The following SLC9C1 variants were observed in gnomAD, a reference collection of about 807,000 sequenced individuals.
SLC9C1 encodes the protein sodium/hydrogen exchanger 10.
SLC9C1 carries 97 observed loss-of-function variants against 140.9 expected under a neutral mutation model. The ratio of observed to expected loss-of-function variants is 0.69; its 90% confidence interval spans 0.58 to 0.82. The LOEUF is 0.82. Among genes scored for constraint, SLC9C1 ranks in the 40% least tolerant of loss-of-function variants. SLC9C1 has a pLI of 0.00. For synonymous variants in SLC9C1, 440 were observed against 442.6 expected, an observed-to-expected ratio of 0.99 and a Z score of 0.07; for missense variants, 1,340 against 1,389.3, an observed-to-expected ratio of 0.96 and a Z score of 0.56.
At chr3:112,255,986 T>C (rs1007432985) in intron 10 of SLC9C1, among the ~76,000 whole-genome samples, 1 of 152,020 alleles carries the variant, frequency 6.6e-6, no homozygotes, top group Non-Finnish European at 1.5e-5. Flanking sequence ...CTAGAAGAGA[T>C]GGATAAGTTC....
chr3:112,263,640 A>T (rs1337734691), intron 9 of SLC9C1, among the ~76,000 whole-genome samples: 1 of 151,808 alleles, frequency 6.6e-6, no homozygotes, highest in African/African-American at 2.4e-5. Context: ...AACTAGATGG[A>T]AGTAGAATGT....
intron 12 of SLC9C1, among the ~76,000 whole-genome samples, chr3:112,236,782 A>T (rs1353738611): frequency 6.6e-6 from 1 of 152,152 alleles, no homozygotes; most frequent in Non-Finnish European, 1.5e-5. Flanking sequence ...AGCGATTTTG[A>T]GTGAGTTTCT....
At chr3:112,188,388 C>G (rs1442331440) in intron 20 of SLC9C1, among the ~76,000 whole-genome samples, 4 of 137,770 alleles carry the variant, frequency 2.9e-5, no homozygotes, top group Non-Finnish European at 6.3e-5. Flanking sequence ...CTCCCCCCTC[C>G]CCTCACCCCA....
intron 20 of SLC9C1, among the ~76,000 whole-genome samples, chr3:112,198,817 C>CT (rs572176851): frequency 2.0e-5 from 3 of 150,450 alleles, no homozygotes; most frequent in South Asian, 2.1e-4. Flanking sequence ...CAGGTTTATG[C>CT]TTTTTTTTTC....
chr3:112,166,717 C>G (rs1020646740), intron 26 of SLC9C1, among the ~76,000 whole-genome samples: 1 of 151,632 alleles, frequency 6.6e-6, no homozygotes, highest in African/African-American at 2.4e-5. Flanking sequence ...TAATATTTAT[C>G]TCAAAATTCA....
intron 9 of SLC9C1, 62 bp from the exon 10 acceptor site, chr3:112,263,160 C>G: frequency 7.3e-7 from 1 of 1,378,392 alleles, no homozygotes; most frequent in Non-Finnish European, 9.8e-7. Flanking sequence ...CCATTTCATG[C>G]TACTCTATTC....
intron 10 of SLC9C1, among the ~76,000 whole-genome samples, chr3:112,253,877 C>A (rs2079533246): frequency 6.6e-6 from 1 of 152,092 alleles, no homozygotes; most frequent in Admixed American, 6.5e-5. Context: ...AGCTAAGAAT[C>A]ACAATAAAAT....
chr3:112,185,348 A>G, intron 20 of SLC9C1: 1 of 659,130 alleles, frequency 1.5e-6, no homozygotes, highest in Non-Finnish European at 2.5e-6. Flanking sequence ...GTAAAAAAAA[A>G]ATAATAAAAG....
chr3:112,272,950 C>A (rs780450818), intron 6 of SLC9C1, among the ~76,000 whole-genome samples: 1 of 152,022 alleles, frequency 6.6e-6, no homozygotes, highest in Non-Finnish European at 1.5e-5. Context: ...CTTCTCCCAA[C>A]GAGTACCAAA....
intron 23 of SLC9C1, among the ~76,000 whole-genome samples, chr3:112,177,647 A>G (rs528439883): frequency 6.7e-6 from 1 of 149,914 alleles, no homozygotes; most frequent in Admixed American, 6.7e-5. Flanking sequence ...TTTGGGTAAC[A>G]TAAGTTTACC....
At chr3:112,231,233 A>G in intron 13 of SLC9C1, 128 bp downstream of exon 13, 1 of 1,033,516 alleles carries the variant, frequency 9.7e-7, no homozygotes, top group South Asian at 1.7e-5. Context: ...TCCTAAGACA[A>G]TGTCAAACTT....
chr3:112,238,236 C>T (rs2079045083), intron 12 of SLC9C1, among the ~76,000 whole-genome samples: 2 of 152,168 alleles, frequency 1.3e-5, no homozygotes, highest in African/African-American at 4.8e-5. Context: ...CCCTTTCTTC[C>T]AGTTGATTGA....
intron 21 of SLC9C1, among the ~76,000 whole-genome samples, chr3:112,181,830 T>C (rs2107959940): frequency 6.7e-6 from 1 of 148,858 alleles, no homozygotes; most frequent in East Asian, 1.9e-4. Flanking sequence ...GAAAAGTAAA[T>C]AGCACCCACA....
At chr3:112,150,841 T>TATATATATATA (rs1491261631) in intron 28 of SLC9C1, among the ~76,000 whole-genome samples, 6 of 34,554 alleles carry the variant, frequency 1.7e-4, no homozygotes, top group African/African-American at 1.1e-3. Flanking sequence ...TATATATATA[T>TATATATATATA]TTTTTTTTTT....
chr3:112,191,972 T>G (rs1203428773), intron 20 of SLC9C1, among the ~76,000 whole-genome samples: 1 of 152,086 alleles, frequency 6.6e-6, no homozygotes, highest in Non-Finnish European at 1.5e-5. Context: ...AATTTTTTTA[T>G]TCTATTCTAA....
At chr3:112,251,552 T>G (rs1576449460) in intron 10 of SLC9C1, among the ~76,000 whole-genome samples, 1 of 151,960 alleles carries the variant, frequency 6.6e-6, no homozygotes, top group African/African-American at 2.4e-5. Flanking sequence ...GGAAAGGAGG[T>G]GATCCAGGAG....
chr3:112,213,271 A>G (rs923771773), intron 15 of SLC9C1, among the ~76,000 whole-genome samples: 3 of 152,216 alleles, frequency 2.0e-5, no homozygotes, highest in African/African-American at 7.2e-5. Flanking sequence ...TGTAAAGACC[A>G]TCTATGCTAG....
chr3:112,188,299 A>G (rs2077578380), intron 20 of SLC9C1, among the ~76,000 whole-genome samples: 1 of 152,096 alleles, frequency 6.6e-6, no homozygotes, highest in Admixed American at 6.6e-5. Flanking sequence ...GGTTTGTTAC[A>G]TAGGTATACT....
chr3:112,152,579 A>T (rs6791042), intron 27 of SLC9C1, among the ~76,000 whole-genome samples: 45,312 of 151,674 alleles, frequency 0.3, 6,974 homozygotes, highest in East Asian at 0.35. Flanking sequence ...CAGACCCTGT[A>T]TTGGTGTCAG....
Sources: gnomAD v4.1 joint callset for allele counts (sites outside exome capture counted in the v4.1 genomes callset) on GRCh38, gnomAD v4.1.1 for gene constraint, MANE v1.5 for transcripts, NCBI Gene and HGNC (gene_info 2026-07-23, HGNC 2026-07-21) for gene names.